The following MIA2 variants were observed in gnomAD, a reference collection of about 807,000 sequenced individuals.
MIA2 encodes the protein melanoma inhibitory activity protein 2.
In MIA2, 127 loss-of-function variants were observed where a neutral mutation model predicts 167.8. The ratio of observed to expected loss-of-function variants is 0.76; its 90% CI spans 0.66 to 0.88. The LOEUF (loss-of-function observed/expected upper bound fraction) is 0.88. Ranked by LOEUF, MIA2 falls within the 40% of genes least tolerant of loss-of-function variation. The pLI is 0.00. For missense variants in MIA2, 1,690 were observed against 1,624.7 expected (o/e 1.04, Z -0.69); for synonymous variants, 552 against 541.9 (o/e 1.02, Z -0.26).
At chr14:39,289,090 G>A (rs2060362865) in intron 9 of MIA2, among the ~76,000 whole-genome samples, 1 of 152,050 alleles carries the variant, frequency 6.6e-6, no homozygotes, top group Non-Finnish European at 1.5e-5. Context: ...CAGCCGTGAA[G>A]CCATCTCTTC....
intron 9 of MIA2, among the ~76,000 whole-genome samples, chr14:39,290,132 G>T (rs1329888079): frequency 6.6e-6 from 1 of 152,150 alleles, no homozygotes; most frequent in Non-Finnish European, 1.5e-5. Flanking sequence ...ATCTGACTTG[G>T]CAGGTCCTGA....
chr14:39,239,889 A>C (rs1439530174), intron 2 of MIA2, among the ~76,000 whole-genome samples: 1 of 152,194 alleles, frequency 6.6e-6, no homozygotes, highest in Non-Finnish European at 1.5e-5. Flanking sequence ...TTGAGGTATA[A>C]TGGTGCTGGA....
chr14:39,276,337 T>G (rs2057995549), intron 6 of MIA2: 1 of 152,214 alleles, frequency 6.6e-6, no homozygotes, highest in African/African-American at 2.4e-5. Context: ...ATAATTACCC[T>G]TTTTTGAGCA....
chr14:39,244,544 A>G (rs1480985928), intron 3 of MIA2, among the ~76,000 whole-genome samples: 2 of 152,186 alleles, frequency 1.3e-5, no homozygotes, highest in Non-Finnish European at 2.9e-5. Context: ...CCAAGTATAT[A>G]TTGTAAAATT....
intron 23 of MIA2, chr14:39,385,627 A>C: frequency 1.2e-6 from 1 of 832,582 alleles, no homozygotes; most frequent in Non-Finnish European, 2.1e-6. Context: ...ATTGGGGCTT[A>C]ATATTCTTCT....
At position 39,291,249 on chromosome 14, in the gene MIA2, T is replaced by C. The variant is rs557411519; in HGVS notation, c.2208+153T>C. 1.6e-5 allele frequency: 9 copies of C among 576,256 alleles called. No individual in the cohort carries two copies. In the East Asian group the frequency reaches 3.1e-4, roughly 20 times the overall value. 35.7% of individuals were successfully genotyped at this position (576,256 alleles called of 1,614,324 possible). A position where few individuals can be genotyped will look rare whatever the true frequency, so the allele number is the denominator to read the frequency against. ...TAAATAAGAAAATTAATATAGGAAA[T>C]GGGACAATAGGAGGTAGCATAAAAT... is the stretch of plus-strand genomic sequence containing the variant. On this transcript the variant is annotated intron_variant, in intron 10 of 28. Coordinates refer to ENST00000640607, the MANE Select transcript of MIA2 (RefSeq NM_001329214.4).
intron 23 of MIA2, among the ~76,000 whole-genome samples, chr14:39,361,437 G>GT (rs71130845): frequency 0.35 from 48,493 of 139,302 alleles, 9,928 homozygotes; most frequent in Non-Finnish European, 0.46. Flanking sequence ...TAGGTGTGTG[G>GT]TTTTTTTTTT....
At chr14:39,272,243 T>G (rs984680738) in intron 6 of MIA2, among the ~76,000 whole-genome samples, 2 of 152,028 alleles carry the variant, frequency 1.3e-5, no homozygotes, top group Non-Finnish European at 1.5e-5. Flanking sequence ...TCCCAGCTAC[T>G]CAGGAGGCTG....
chr14:39,302,248 A>G lies in MIA2; in HGVS notation c.2739A>G (p.Leu913=). ...GTGAATCGGAAAATGGTGCTTACTT[A>G]GGTATTAAGTCATGACTCATCTCCT... is the stretch of plus-strand genomic sequence containing the variant. ...MNSESENGAY[L]DNPPKGALKK... Residue 913 remains leucine (L), a splice_region_variant and synonymous_variant, in exon 15 of 29, where the codon TTA becomes TTG. Coordinates refer to ENST00000640607, the MANE Select transcript of MIA2 (RefSeq NM_001329214.4). 1.2e-6 allele frequency: 2 copies of G among 1,613,550 alleles called. No individual in the cohort carries two copies. Among genetic ancestry groups the G allele is most frequent in the Non-Finnish European group, 1.7e-6 (2 of 1,179,642 alleles).
At chr14:39,296,871 G>A (rs1483024750) in intron 13 of MIA2, among the ~76,000 whole-genome samples, 6 of 151,550 alleles carry the variant, frequency 4.0e-5, no homozygotes, top group African/African-American at 1.2e-4. Context: ...CACCTCCCGC[G>A]TTCAAGTGAT....
intron 6 of MIA2, among the ~76,000 whole-genome samples, chr14:39,273,252 T>TC (rs1162854574): frequency 7.1e-6 from 1 of 140,896 alleles, no homozygotes; most frequent in Non-Finnish European, 1.5e-5. Flanking sequence ...TTTTTTTTTT[T>TC]CCTCATCTTT....
chr14:39,377,047 ACTTTT>A (rs1394543882), intron 23 of MIA2, among the ~76,000 whole-genome samples: 3 of 152,154 alleles, frequency 2.0e-5, no homozygotes, highest in South Asian at 4.1e-4. Flanking sequence ...ATTTCTCCCC[ACTTTT>A]CTTTTTAAAA....
downstream of MIA2, among the ~76,000 whole-genome samples, chr14:39,355,460 A>T (rs543454640): frequency 6.6e-6 from 1 of 152,092 alleles, no homozygotes; most frequent in East Asian, 1.9e-4. Flanking sequence ...GGGCTGAGAC[A>T]ATGGGGTTTT....
intron 9 of MIA2, among the ~76,000 whole-genome samples, chr14:39,283,899 A>C (rs1027523192): frequency 6.6e-6 from 1 of 152,114 alleles, no homozygotes; most frequent in Admixed American, 6.5e-5. Flanking sequence ...AAAATATTGA[A>C]TATTAACCCC....
rs1432115599 is a variant in MIA2, at chr14:39,238,808, A to AC, written c.249+1753_250-1752insC. Among the ~76,000 whole-genome samples, 43 of 148,228 alleles carry AC rather than the reference A, an allele frequency of 2.9e-4. 1 individual carries two copies. The highest frequency in any genetic ancestry group is 7.9e-4 in the African/African-American group (32 of 40,378). ...GACCCTGTCTCAAAAAAAAAAAAAA[A>AC]AAACCCAAAAAACAAAAAAACCTAG... On this transcript the variant is annotated intron_variant, in intron 2 of 28. Coordinates refer to ENST00000640607, the MANE Select transcript of MIA2 (RefSeq NM_001329214.4).
chr14:39,240,156 T>A (rs2053974544), intron 2 of MIA2, among the ~76,000 whole-genome samples: 1 of 152,218 alleles, frequency 6.6e-6, no homozygotes, highest in Non-Finnish European at 1.5e-5. Flanking sequence ...GATTTTAACA[T>A]CCTGAAAACA....
chr14:39,269,996 G>A (rs1414883968), intron 6 of MIA2, among the ~76,000 whole-genome samples: 1 of 152,008 alleles, frequency 6.6e-6, no homozygotes, highest in Non-Finnish European at 1.5e-5. Flanking sequence ...GGGTGGAATC[G>A]CTGAGTCATA....
intron 21 of MIA2, among the ~76,000 whole-genome samples, chr14:39,316,883 C>G (rs1286331888): frequency 6.6e-6 from 1 of 152,068 alleles, no homozygotes; most frequent in Non-Finnish European, 1.5e-5. Context: ...ACAGATCTTA[C>G]AGAGACACTG....
intron 6 of MIA2, chr14:39,267,422 G>A (rs1355199902): frequency 3.1e-6 from 5 of 1,609,758 alleles, no homozygotes; most frequent in African/African-American, 2.7e-5. Flanking sequence ...CCGACAGGCC[G>A]GGGTTACTGT....
Sources: gnomAD v4.1 joint callset for allele counts (sites outside exome capture counted in the v4.1 genomes callset) on GRCh38, gnomAD v4.1.1 for gene constraint, MANE v1.5 for transcripts, NCBI Gene and HGNC (gene_info 2026-07-23, HGNC 2026-07-21) for gene names.